NEMP2: variants seen among roughly 807,000 people sequenced by gnomAD.
NEMP2 encodes nuclear envelope integral membrane protein 2, also known as UPF0571 transmembrane protein.
In NEMP2, 53 loss-of-function variants were observed where a neutral mutation model predicts 54.2. That is an observed-to-expected ratio of 0.98 (90% CI 0.78 to 1.23). NEMP2 has a LOEUF of 1.23. Ranked by LOEUF, NEMP2 falls within the 50% of genes most tolerant of loss-of-function variation. The probability of loss-of-function intolerance (pLI) is 0.00; values close to 1 mark genes in which losing one functional copy is unlikely to be tolerated. For synonymous variants in NEMP2, 197 were observed against 190.3 expected (o/e 1.04, Z -0.29); for missense variants, 455 against 511.3 (o/e 0.89, Z 1.06).
chr2:190,477,299 G>T, the NEMP2 span: 3 of 984,624 alleles, frequency 3.0e-6, no homozygotes, highest in Non-Finnish European at 3.6e-6. Context: ...TCCCACCTCT[G>T]GTTCCTGTTC....
chr2:190,435,147 G>A, the NEMP2 span, among the ~76,000 whole-genome samples: 4 of 152,218 alleles, frequency 2.6e-5, no homozygotes, highest in Non-Finnish European at 4.4e-5. Flanking sequence ...CCATCGTAGA[G>A]AGCATGTGTC....
chr2:190,604,513 G>A, the NEMP2 span, among the ~76,000 whole-genome samples: 13 of 152,152 alleles, frequency 8.5e-5, no homozygotes, highest in Admixed American at 2.6e-4. The surrounding 1 kb of genome is among the most constrained non-coding windows in gnomAD (Gnocchi z 4.5). Context: ...GCCCAGTGCC[G>A]TTGGGAGTTT....
At chr2:190,616,978 AG>A in the NEMP2 span, 1 of 152,054 alleles carries the variant, frequency 6.6e-6, no homozygotes, top group Non-Finnish European at 1.5e-5. The surrounding 1 kb of genome is among the most constrained non-coding windows in gnomAD (Gnocchi z 5.1). Flanking sequence ...AGGAAAAAAA[AG>A]GCAGGTGTGG....
At chr2:190,550,559 G>T in the NEMP2 span, among the ~76,000 whole-genome samples, 1 of 152,060 alleles carries the variant, frequency 6.6e-6, no homozygotes, top group Non-Finnish European at 1.5e-5. This position sits in a 1 kb window ranked among gnomAD's most constrained non-coding sequence, Gnocchi z 4.7. Flanking sequence ...CACACAACAG[G>T]ATCAGAATAA....
chr2:190,541,176 A>ATG, the NEMP2 span, among the ~76,000 whole-genome samples: 10 of 130,188 alleles, frequency 7.7e-5, no homozygotes, highest in South Asian at 7.1e-4. The surrounding 1 kb of genome is among the most constrained non-coding windows in gnomAD (Gnocchi z 5.2). Flanking sequence ...TTTTATATAT[A>ATG]TGTGTATATA....
the NEMP2 span, among the ~76,000 whole-genome samples, chr2:190,641,742 A>G: frequency 2.0e-5 from 3 of 152,198 alleles, no homozygotes; most frequent in African/African-American, 7.2e-5. Context: ...CACCTAAAAC[A>G]GTGTTACAGA....
the NEMP2 span, among the ~76,000 whole-genome samples, chr2:190,459,348 A>ACT: frequency 4.6e-5 from 7 of 152,088 alleles, no homozygotes; most frequent in Admixed American, 3.3e-4. This position sits in a 1 kb window ranked among gnomAD's most constrained non-coding sequence, Gnocchi z 5.3. Flanking sequence ...GTCAAGTAAA[A>ACT]CTCTTGAGGC....
chr2:190,487,065 T>C, the NEMP2 span, among the ~76,000 whole-genome samples: 1 of 152,196 alleles, frequency 6.6e-6, no homozygotes, highest in African/African-American at 2.4e-5. The surrounding 1 kb of genome is among the most constrained non-coding windows in gnomAD (Gnocchi z 5.5). Flanking sequence ...TTAAGAAGCA[T>C]GGCTGGGTGC....
At chr2:190,632,318 T>C in the NEMP2 span, among the ~76,000 whole-genome samples, 80 of 152,346 alleles carry the variant, frequency 5.3e-4, no homozygotes, top group African/African-American at 1.9e-3. The surrounding 1 kb of genome is among the most constrained non-coding windows in gnomAD (Gnocchi z 4.8). Flanking sequence ...GGTCCTACAA[T>C]TATAGGTCTC....
At chr2:190,488,502 G>C in the NEMP2 span, among the ~76,000 whole-genome samples, 3 of 152,184 alleles carry the variant, frequency 2.0e-5, no homozygotes, top group African/African-American at 2.4e-5. The surrounding 1 kb of genome is among the most constrained non-coding windows in gnomAD (Gnocchi z 6.4). Context: ...CCACTGAACC[G>C]TACATTTAAA....
the NEMP2 span, among the ~76,000 whole-genome samples, chr2:190,579,454 A>G: frequency 1.3e-5 from 2 of 152,126 alleles, no homozygotes; most frequent in African/African-American, 4.8e-5. Context: ...CCAGCAGCAA[A>G]TAACAGTATA....
chr2:190,485,029 C>CT, the NEMP2 span, among the ~76,000 whole-genome samples: 1 of 152,172 alleles, frequency 6.6e-6, no homozygotes, highest in Non-Finnish European at 1.5e-5. The surrounding 1 kb of genome is among the most constrained non-coding windows in gnomAD (Gnocchi z 5.1). Context: ...AACTAGAAGT[C>CT]TAACTGTGGA....
chr2:190,615,699 G>A, the NEMP2 span, among the ~76,000 whole-genome samples: 1 of 152,192 alleles, frequency 6.6e-6, no homozygotes, highest in Admixed American at 6.5e-5. The surrounding 1 kb of genome is among the most constrained non-coding windows in gnomAD (Gnocchi z 4.7). Flanking sequence ...GTTGGTTCCT[G>A]TGGCAACCAG....
the NEMP2 span, among the ~76,000 whole-genome samples, chr2:190,581,531 TTACCTTAGTTTA>T: frequency 6.6e-6 from 1 of 152,192 alleles, no homozygotes; most frequent in South Asian, 2.1e-4. Context: ...ACAGAAAAAC[TTACCTTAGTTTA>T]TAATGTACAC....
At chr2:190,612,574 A>G in the NEMP2 span, among the ~76,000 whole-genome samples, 1 of 152,188 alleles carries the variant, frequency 6.6e-6, no homozygotes, top group Admixed American at 6.5e-5. Context: ...GGGCATGGCT[A>G]ATTTCATGTG....
chr2:190,534,005 T>A, intron 1 of NEMP2: 1 of 985,148 alleles, frequency 1.0e-6, no homozygotes, highest in Non-Finnish European at 1.2e-6. Flanking sequence ...TTGTGAGGCC[T>A]CATTACCTGC....
At chr2:190,499,929 TTC>T, downstream of NEMP2, 1 of 1,593,394 alleles carries the variant, frequency 6.3e-7, no homozygotes, top group Non-Finnish European at 8.6e-7. This position sits in a 1 kb window ranked among gnomAD's most constrained non-coding sequence, Gnocchi z 6.0. Flanking sequence ...CTCCCCATGT[TTC>T]CTGTCTTACT....
the NEMP2 span, among the ~76,000 whole-genome samples, chr2:190,438,779 G>A: frequency 7.9e-5 from 12 of 152,348 alleles, no homozygotes; most frequent in Admixed American, 7.8e-4. This position sits in a 1 kb window ranked among gnomAD's most constrained non-coding sequence, Gnocchi z 5.2. Flanking sequence ...AGGAGAAATA[G>A]ACAATGACAA....
chr2:190,514,346 G>T lies in NEMP2; in HGVS notation c.953+107C>A. The T allele has an allele frequency of 1.8e-6, 2 of 1,095,314 alleles. No individual in the cohort carries two copies. Among genetic ancestry groups the T allele is most frequent in the Non-Finnish European group, 2.7e-6 (2 of 748,950 alleles). 67.8% of individuals were successfully genotyped at this position (1,095,314 alleles called of 1,614,324 possible). The stretch of plus-strand genomic sequence containing the variant: ...AATCTTGCTCAGAATGAAATCTCCA[G>T]ATCAAATGTAATTATGAGATTAACA... On this transcript the variant is annotated intron_variant, in intron 7 of 8. Coordinates refer to ENST00000409150, the MANE Select transcript of NEMP2 (RefSeq NM_001142645.2). This position sits in a 1 kb window ranked among gnomAD's most constrained non-coding sequence, Gnocchi z 5.7.
Sources: allele counts gnomAD v4.1 joint callset (sites outside exome capture counted in the v4.1 genomes callset), GRCh38; gene constraint gnomAD v4.1.1; non-coding constraint Gnocchi (gnomAD v3.1); transcripts MANE v1.5; gene names NCBI Gene and HGNC (gene_info 2026-07-23, HGNC 2026-07-21).